LINGO2: variants seen among roughly 807,000 people sequenced by gnomAD.
LINGO2 encodes leucine rich repeat and Ig domain containing 2.
LINGO2 carries 14 observed loss-of-function variants against 30.6 expected under a neutral mutation model. That is an observed-to-expected ratio of 0.46 (90% CI 0.30 to 0.72). The LOEUF (loss-of-function observed/expected upper bound fraction) is 0.72, where lower values mean the gene tolerates loss of function less well. Among genes scored for constraint, LINGO2 ranks in the 30% least tolerant of loss-of-function variants. The pLI is 0.07. For missense variants in LINGO2, 729 were observed against 751.7 expected, an observed-to-expected ratio of 0.97 and a Z score of 0.35; for synonymous variants, 317 against 288.5, an observed-to-expected ratio of 1.10 and a Z score of -1.00.
the LINGO2 span, among the ~76,000 whole-genome samples, chr9:29,175,972 T>A: frequency 6.6e-6 from 1 of 152,120 alleles, no homozygotes; most frequent in South Asian, 2.1e-4. Context: ...TCCCTCTACC[T>A]TGGTATTTAT....
rs150851526 is a variant in LINGO2, at chr9:28,334,814, A to C, written c.-246+38022T>G. On this transcript the variant is annotated intron_variant, in intron 3 of 5. Coordinates refer to ENST00000379992, the Ensembl canonical transcript of LINGO2. ...GATCCTGGGGTTTATGACAGTGGGC[A>C]TTGTGATTGTATTCAGACAGCTATG... 2.6e-5 allele frequency among the ~76,000 whole-genome samples: 4 copies of C among 152,250 alleles called. No individual in the cohort carries two copies. The East Asian group carries it at 7.7e-4, about 29-fold the overall frequency.
chr9:28,669,081 T>G (rs767205747), intron 1 of LINGO2, among the ~76,000 whole-genome samples: 6 of 152,066 alleles, frequency 3.9e-5, no homozygotes, highest in Non-Finnish European at 7.4e-5. Flanking sequence ...AATATATTTA[T>G]TTTTTATATT....
At chr9:27,977,731 A>G (rs764851127) in intron 5 of LINGO2, among the ~76,000 whole-genome samples, 73 of 151,794 alleles carry the variant, frequency 4.8e-4, no homozygotes, top group Non-Finnish European at 9.4e-4. Context: ...GAGCCTGAAT[A>G]TGTCACTACC....
the LINGO2 span, among the ~76,000 whole-genome samples, chr9:29,064,785 G>T: frequency 6.6e-6 from 1 of 151,972 alleles, no homozygotes; most frequent in Non-Finnish European, 1.5e-5. Flanking sequence ...AGTGATACTT[G>T]ATTATTATAA....
At chr9:28,434,487 T>C (rs1201598531) in intron 2 of LINGO2, among the ~76,000 whole-genome samples, 1 of 149,500 alleles carries the variant, frequency 6.7e-6, no homozygotes, top group Non-Finnish European at 1.5e-5. Flanking sequence ...TCTATAACTA[T>C]CTATCTTGTA....
chr9:28,451,669 C>T (rs1057442358), intron 2 of LINGO2, among the ~76,000 whole-genome samples: 3 of 151,612 alleles, frequency 2.0e-5, no homozygotes, highest in Admixed American at 1.3e-4. Context: ...AACTAAATTT[C>T]GGATGGTAAA....
At chr9:28,219,956 T>C (rs893635604) in intron 4 of LINGO2, among the ~76,000 whole-genome samples, 2 of 152,196 alleles carry the variant, frequency 1.3e-5, no homozygotes, top group African/African-American at 4.8e-5. Context: ...CCAGAAAATA[T>C]TACTTTCTGG....
intron 1 of LINGO2, among the ~76,000 whole-genome samples, chr9:28,521,374 T>C (rs1353187548): frequency 6.6e-6 from 1 of 152,156 alleles, no homozygotes; most frequent in Non-Finnish European, 1.5e-5. Context: ...CCACTGTATG[T>C]AGACAGGGTT....
chr9:28,859,509 G>A, the LINGO2 span, among the ~76,000 whole-genome samples: 1 of 151,940 alleles, frequency 6.6e-6, no homozygotes, highest in Non-Finnish European at 1.5e-5. Context: ...CTTATTCTAA[G>A]TATTTCACTC....
At chr9:28,947,962 C>G in the LINGO2 span, among the ~76,000 whole-genome samples, 1 of 151,898 alleles carries the variant, frequency 6.6e-6, no homozygotes, top group African/African-American at 2.4e-5. Flanking sequence ...AAATAAAAAC[C>G]TAGCTTCTTT....
Position 28,613,669 on chromosome 9 carries a change from T to A in LINGO2, c.-365+56531A>T, listed in dbSNP as rs374428196. ...ACTACTGGTGGGAAGGTAGTGGGAA[T>A]ATACTCACACAAGGGGGTAAGGCAT... On this transcript the variant is annotated intron_variant, in intron 1 of 5. Transcript: ENST00000379992. 8.1e-4 allele frequency among the ~76,000 whole-genome samples: 124 copies of A among 152,242 alleles called. No homozygotes were observed. The South Asian group carries it at 0.023, about 28-fold the overall frequency.
At chr9:28,900,688 A>T in the LINGO2 span, among the ~76,000 whole-genome samples, 2 of 152,218 alleles carry the variant, frequency 1.3e-5, no homozygotes, top group African/African-American at 4.8e-5. Context: ...GGGCTTTCCC[A>T]GACAAAGCCA....
the LINGO2 span, among the ~76,000 whole-genome samples, chr9:29,102,677 G>C: frequency 1.3e-5 from 2 of 152,094 alleles, no homozygotes; most frequent in Non-Finnish European, 2.9e-5. Flanking sequence ...GGTCTGAAGA[G>C]AATAGTGACT....
chr9:28,523,177 C>T (rs1247991107), intron 1 of LINGO2, among the ~76,000 whole-genome samples: 2 of 151,202 alleles, frequency 1.3e-5, no homozygotes, highest in Non-Finnish European at 3.0e-5. Context: ...AATAAATGAA[C>T]ACAAAACACC....
chr9:28,257,584 A>T (rs1171619820), intron 4 of LINGO2, among the ~76,000 whole-genome samples: 1 of 151,918 alleles, frequency 6.6e-6, no homozygotes, highest in African/African-American at 2.4e-5. Context: ...GTAAGATAAC[A>T]TTTTGGCAAT....
At chr9:27,955,873 A>T (rs7041059) in intron 5 of LINGO2, among the ~76,000 whole-genome samples, 83,576 of 150,884 alleles carry the variant, frequency 0.55, 24,662 homozygotes, top group East Asian at 0.81. Context: ...GCCATTCAGC[A>T]TTTCCACTAG....
chr9:28,831,395 G>C, the LINGO2 span, among the ~76,000 whole-genome samples: 2 of 152,106 alleles, frequency 1.3e-5, no homozygotes, highest in South Asian at 4.1e-4. Flanking sequence ...ACCCATGCAA[G>C]GACACAAGTT....
intron 4 of LINGO2, among the ~76,000 whole-genome samples, chr9:28,136,492 G>A (rs1226579053): frequency 6.6e-6 from 1 of 152,196 alleles, no homozygotes; most frequent in African/African-American, 2.4e-5. Flanking sequence ...TGCTAATTCT[G>A]CCTAGCAGGG....
chr9:28,506,503 G>GATATATATATATATATAT (rs1380029523), intron 1 of LINGO2, among the ~76,000 whole-genome samples: 1 of 83,138 alleles, frequency 1.2e-5, no homozygotes, highest in Non-Finnish European at 2.3e-5. Context: ...CACACACACA[G>GATATATATATATATATAT]ACATATATAT....
Sources: gnomAD v4.1 joint callset for allele counts (sites outside exome capture counted in the v4.1 genomes callset) on GRCh38, gnomAD v4.1.1 for gene constraint, MANE v1.5 for transcripts, NCBI Gene and HGNC (gene_info 2026-07-23, HGNC 2026-07-21) for gene names.